Variants in DPYD observed in about 807,000 individuals in gnomAD.
The protein encoded by DPYD is dihydropyrimidine dehydrogenase [NADP(+)].
In DPYD, 109 loss-of-function variants were observed where a neutral mutation model predicts 116.2. The ratio of observed to expected loss-of-function variants is 0.94; its 90% confidence interval spans 0.80 to 1.10. DPYD has a LOEUF of 1.10. DPYD is among the 50% of genes least tolerant of loss of function. The pLI is 0.00. For missense variants in DPYD, 1,302 were observed against 1,254.5 expected (o/e 1.04, Z -0.57); for synonymous variants, 440 against 432.0 (o/e 1.02, Z -0.23).
intron 11 of DPYD, among the ~76,000 whole-genome samples, chr1:97,568,886 T>G (rs1388380317): frequency 6.6e-6 from 1 of 151,964 alleles, no homozygotes; most frequent in Admixed American, 6.6e-5. Flanking sequence ...CACTCCTTGC[T>G]CTCCTTGGGG....
intron 3 of DPYD, among the ~76,000 whole-genome samples, chr1:97,778,753 T>C (rs558165219): frequency 1.3e-5 from 2 of 152,146 alleles, no homozygotes; most frequent in Non-Finnish European, 2.9e-5. Context: ...TATGCAGCAG[T>C]AAGTAATACT....
intron 3 of DPYD, among the ~76,000 whole-genome samples, chr1:97,784,892 T>A (rs1004097090): frequency 3.9e-5 from 6 of 152,196 alleles, no homozygotes; most frequent in African/African-American, 1.4e-4. Flanking sequence ...AGAAGAATTT[T>A]AATGACAAAC....
At chr1:97,795,166 T>C (rs956485437) in intron 3 of DPYD, among the ~76,000 whole-genome samples, 2 of 152,002 alleles carry the variant, frequency 1.3e-5, no homozygotes, top group African/African-American at 4.8e-5. Context: ...CAGTGTTGGG[T>C]AACTTCAAAA....
At chr1:97,136,158 C>A (rs913428722) in intron 20 of DPYD, among the ~76,000 whole-genome samples, 19 of 152,172 alleles carry the variant, frequency 1.2e-4, no homozygotes, top group Non-Finnish European at 2.5e-4. Context: ...TGCTTCCACA[C>A]AAGAATGACT....
intron 5 of DPYD, among the ~76,000 whole-genome samples, chr1:97,707,062 GCCC>G (rs1662004642): frequency 6.6e-6 from 1 of 151,872 alleles, no homozygotes; most frequent in Non-Finnish European, 1.5e-5. Context: ...TTGTGTCTAC[GCCC>G]CCATTTCATT....
At position 97,839,475 on chromosome 1, in the gene DPYD, T is replaced by C. The variant is rs1050963007; in HGVS notation, c.151-11279A>G. On this transcript the variant is annotated intron_variant, in intron 2 of 22. Transcript: ENST00000370192. ...TGTTTCTCAGTGGGGTCTACTTACTTAAAAACATCAGTCAGCAATTCTTTG... is the reference window on the plus strand; with the variant it reads ...TGTTTCTCAGTGGGGTCTACTTACTCAAAAACATCAGTCAGCAATTCTTTG... Among the ~76,000 whole-genome samples, 6 of 152,208 alleles carry C rather than the reference T, an allele frequency of 3.9e-5. No homozygotes were observed. In the East Asian group the frequency reaches 9.6e-4, roughly 24 times the overall value.
chr1:97,589,015 T>C (rs1654332552), intron 10 of DPYD, among the ~76,000 whole-genome samples: 1 of 152,080 alleles, frequency 6.6e-6, no homozygotes, highest in South Asian at 2.1e-4. Flanking sequence ...AAATGCAAAT[T>C]CTCAGACCCA....
At chr1:97,266,105 A>G (rs1171535731) in intron 18 of DPYD, among the ~76,000 whole-genome samples, 2 of 152,324 alleles carry the variant, frequency 1.3e-5, no homozygotes, top group Non-Finnish European at 1.5e-5. Context: ...AAATAAATAA[A>G]CTTAATCTAA....
At chr1:97,677,016 A>G (rs1246547391) in intron 8 of DPYD, among the ~76,000 whole-genome samples, 1 of 152,220 alleles carries the variant, frequency 6.6e-6, no homozygotes, top group Non-Finnish European at 1.5e-5. Flanking sequence ...AAATGGAGAC[A>G]ACTGTATTGT....
chr1:97,409,250 A>T (rs1419478406), intron 14 of DPYD, among the ~76,000 whole-genome samples: 1 of 152,146 alleles, frequency 6.6e-6, no homozygotes, highest in Non-Finnish European at 1.5e-5. Context: ...TAATATTATT[A>T]TAATTATTTT....
rs1334896090 is a variant in DPYD at position 97,622,469 on chromosome 1, A to G, written c.851-27303T>C. Among the ~76,000 whole-genome samples, 5 of 152,146 alleles carry G rather than the reference A, an allele frequency of 3.3e-5. No individual in the cohort carries two copies. The South Asian group carries it at 6.2e-4, about 19-fold the overall frequency. On this transcript the variant is annotated intron_variant, in intron 8 of 22. Transcript: ENST00000370192. ...GTCTGAAAAAACCATTGCAACCAAAAAAAAGCATAAGAAGACATGGCCACT... is the reference window on the plus strand; with the variant it reads ...GTCTGAAAAAACCATTGCAACCAAAGAAAAGCATAAGAAGACATGGCCACT...
intron 19 of DPYD, among the ~76,000 whole-genome samples, chr1:97,198,921 G>A (rs1371871308): frequency 1.3e-5 from 2 of 152,080 alleles, no homozygotes; most frequent in Non-Finnish European, 2.9e-5. Context: ...CCCGTGCAGC[G>A]TGATTTGACG....
At chr1:97,640,191 A>C (rs1443474607) in intron 8 of DPYD, among the ~76,000 whole-genome samples, 4 of 152,216 alleles carry the variant, frequency 2.6e-5, no homozygotes, top group African/African-American at 9.6e-5. Flanking sequence ...GTTTTTAAGA[A>C]AAAACTTCTA....
intron 2 of DPYD, among the ~76,000 whole-genome samples, chr1:97,858,293 G>C (rs1176247210): frequency 6.6e-6 from 1 of 151,910 alleles, no homozygotes; most frequent in Non-Finnish European, 1.5e-5. Context: ...TTGATTTGTA[G>C]GCCACGAATT....
At chr1:97,898,303 C>A (rs535973971) in intron 1 of DPYD, among the ~76,000 whole-genome samples, 6 of 151,918 alleles carry the variant, frequency 3.9e-5, no homozygotes, top group Middle Eastern at 3.4e-3. Flanking sequence ...GCAGGTTTCT[C>A]TCTGAGCAGC....
intron 20 of DPYD, among the ~76,000 whole-genome samples, chr1:97,139,991 A>G: frequency 6.6e-6 from 1 of 151,830 alleles, no homozygotes; most frequent in Admixed American, 6.6e-5. Context: ...TACAATCAAG[A>G]GTGGGGTACT....
intron 4 of DPYD, among the ~76,000 whole-genome samples, chr1:97,732,473 C>CAAAAAAAA (rs751262032): frequency 7.3e-5 from 4 of 55,130 alleles, no homozygotes; most frequent in Non-Finnish European, 1.5e-4. Context: ...GACTCCATCT[C>CAAAAAAAA]AAAAAAAAAA....
chr1:97,625,909 A>C (rs1453222312), intron 8 of DPYD, among the ~76,000 whole-genome samples: 1 of 152,104 alleles, frequency 6.6e-6, no homozygotes. Flanking sequence ...TAATTGTGAC[A>C]TCACTGACAT....
chr1:97,139,436 A>C (rs1047584027), intron 20 of DPYD, among the ~76,000 whole-genome samples: 2 of 152,194 alleles, frequency 1.3e-5, no homozygotes, highest in Non-Finnish European at 2.9e-5. Flanking sequence ...ATTATGAAAA[A>C]CCTAATAACA....
Sources: allele counts gnomAD v4.1 joint callset (sites outside exome capture counted in the v4.1 genomes callset), GRCh38; gene constraint gnomAD v4.1.1; transcripts MANE v1.5; gene names NCBI Gene and HGNC (gene_info 2026-07-23, HGNC 2026-07-21).